NELL1: variants seen among roughly 807,000 people sequenced by gnomAD.
The protein encoded by NELL1 is protein kinase C-binding protein NELL1.
In NELL1, 76 loss-of-function variants were observed where a neutral mutation model predicts 107.4. That is an observed-to-expected ratio of 0.71 (90% confidence interval 0.59 to 0.86). The LOEUF (loss-of-function observed/expected upper bound fraction) is 0.86. Ranked by LOEUF, NELL1 falls within the 40% of genes least tolerant of loss-of-function variation. NELL1 has a pLI of 0.00. For synonymous variants in NELL1, 353 were observed against 341.2 expected (o/e 1.03, Z -0.38); for missense variants, 1,024 against 1,005.5 (o/e 1.02, Z -0.25).
intron 15 of NELL1, among the ~76,000 whole-genome samples, chr11:21,498,828 C>T (rs1855058336): frequency 6.6e-6 from 1 of 152,006 alleles, no homozygotes; most frequent in African/African-American, 2.4e-5. Context: ...ACGTTTTACA[C>T]TTTTCAACCT....
rs559612770 is a variant in NELL1, at chr11:21,323,031, C to T, written c.1550-47822C>T. ...CTGGAATAAAACTGCTTCACTCAGTCATCAAAGGGCTCTTTAAAATTCTCT... is the reference window on the plus strand; with the variant it reads ...CTGGAATAAAACTGCTTCACTCAGTTATCAAAGGGCTCTTTAAAATTCTCT... On this transcript the variant is annotated intron_variant, in intron 14 of 19. Coordinates refer to ENST00000357134, the MANE Select transcript of NELL1 (RefSeq NM_006157.5). Among the ~76,000 whole-genome samples, 4 of 152,270 alleles carry T rather than the reference C, an allele frequency of 2.6e-5. No homozygotes were observed. In the South Asian group the frequency reaches 8.3e-4, roughly 32 times the overall value.
chr11:20,785,584 G>A (rs1352138988), intron 3 of NELL1, among the ~76,000 whole-genome samples: 1 of 152,200 alleles, frequency 6.6e-6, no homozygotes, highest in East Asian at 1.9e-4. Flanking sequence ...GCAGAGGAGA[G>A]CTTCCCACAG....
chr11:21,440,590 T>C (rs1178233974), intron 15 of NELL1, among the ~76,000 whole-genome samples: 1 of 152,238 alleles, frequency 6.6e-6, no homozygotes, highest in Non-Finnish European at 1.5e-5. Flanking sequence ...AAGGCATTAA[T>C]ATAACATCAT....
chr11:21,080,816 G>A (rs1014167802), intron 12 of NELL1, among the ~76,000 whole-genome samples: 5 of 151,942 alleles, frequency 3.3e-5, no homozygotes, highest in Admixed American at 1.3e-4. Context: ...ACATATGATA[G>A]TACATCTTTC....
At chr11:21,228,611 T>G (rs2133882492) in intron 13 of NELL1, among the ~76,000 whole-genome samples, 1 of 151,876 alleles carries the variant, frequency 6.6e-6, no homozygotes, top group East Asian at 1.9e-4. Context: ...AGCCTTTCTC[T>G]GCAGTTTTAT....
At chr11:21,151,684 T>G (rs193057750) in intron 13 of NELL1, among the ~76,000 whole-genome samples, 51 of 152,338 alleles carry the variant, frequency 3.3e-4, no homozygotes, top group African/African-American at 1.2e-3. Context: ...GTTCCTAGCA[T>G]AGAGTAAGCT....
chr11:20,705,392 C>G (rs1191840133), intron 2 of NELL1, among the ~76,000 whole-genome samples: 1 of 152,016 alleles, frequency 6.6e-6, no homozygotes, highest in Non-Finnish European at 1.5e-5. Context: ...TTTGACAAAC[C>G]TGACAAAAAC....
intron 14 of NELL1, among the ~76,000 whole-genome samples, chr11:21,311,112 T>A (rs1849740882): frequency 6.6e-6 from 1 of 152,130 alleles, no homozygotes; most frequent in Admixed American, 6.6e-5. Context: ...AGCTTATTGA[T>A]GCTGTCAGGA....
chr11:21,367,097 C>A (rs964319379), intron 14 of NELL1, among the ~76,000 whole-genome samples: 1 of 151,746 alleles, frequency 6.6e-6, no homozygotes, highest in African/African-American at 2.4e-5. Flanking sequence ...TGGATTGAAC[C>A]TCTCTCAAAT....
chr11:21,326,549 A>T (rs1487884920), intron 14 of NELL1, among the ~76,000 whole-genome samples: 1 of 152,006 alleles, frequency 6.6e-6, no homozygotes, highest in African/African-American at 2.4e-5. Flanking sequence ...TATCTTCTAC[A>T]TTTGGTCACA....
chr11:20,804,904 G>T (rs1279150037), intron 3 of NELL1, among the ~76,000 whole-genome samples: 1 of 152,138 alleles, frequency 6.6e-6, no homozygotes, highest in East Asian at 1.9e-4. Flanking sequence ...ATTTTATTGA[G>T]ATCTCTCTTT....
intron 4 of NELL1, among the ~76,000 whole-genome samples, chr11:20,857,701 A>G (rs1053066144): frequency 7.9e-5 from 12 of 152,216 alleles, no homozygotes; most frequent in African/African-American, 2.7e-4. Context: ...TTTAGAAGTG[A>G]CAGTGCTCCT....
rs191459391 is a variant in NELL1, at chr11:21,181,223, A to G, written c.1427-48109A>G. Among the ~76,000 whole-genome samples, 720 of 151,924 alleles carry G rather than the reference A, an allele frequency of 4.7e-3. 30 individuals carry two copies. The highest frequency in any genetic ancestry group is 0.017 in the African/African-American group (698 of 41,236). On this transcript the variant is annotated intron_variant, in intron 13 of 19. Coordinates refer to ENST00000357134, the MANE Select transcript of NELL1 (RefSeq NM_006157.5). Reference sequence around the variant, plus strand: ...TACATTTATATTGTATTTATGGGGGAAAAGCAGATGAAATATTCAGGTTTA... The same window carrying G: ...TACATTTATATTGTATTTATGGGGGGAAAGCAGATGAAATATTCAGGTTTA...
At chr11:21,486,117 G>A (rs73469154) in intron 15 of NELL1, among the ~76,000 whole-genome samples, 3,863 of 152,006 alleles carry the variant, frequency 0.025, 175 homozygotes, top group African/African-American at 0.086. Context: ...CCAAATTTCT[G>A]GACCATTCCT....
At chr11:21,326,854 A>T (rs1246172241) in intron 14 of NELL1, among the ~76,000 whole-genome samples, 6 of 151,936 alleles carry the variant, frequency 3.9e-5, no homozygotes, top group Non-Finnish European at 5.9e-5. Context: ...TTGGATGGTT[A>T]ATCTATTTGC....
At chr11:20,792,141 T>C (rs1349381142) in intron 3 of NELL1, among the ~76,000 whole-genome samples, 1 of 152,114 alleles carries the variant, frequency 6.6e-6, no homozygotes, top group Non-Finnish European at 1.5e-5. Context: ...TTTTAAGCTA[T>C]ATTGAATAGC....
rs964074184 is a variant in NELL1 at position 20,701,256 on chromosome 11, T to C, written c.184+23196T>C. The stretch of plus-strand genomic sequence containing the variant: ...GTTTTGATTTGCATTTCTCTGATGC[T>C]CAGTCATGATGAGCATTTTTTCATG... On this transcript the variant is annotated intron_variant, in intron 2 of 19. Transcript: ENST00000357134. 6.6e-4 allele frequency among the ~76,000 whole-genome samples: 100 copies of C among 151,620 alleles called. 1 individual carries two copies. Among genetic ancestry groups the C allele is most frequent in the African/African-American group, 2.1e-3 (86 of 40,954 alleles).
At position 21,115,331 on chromosome 11, in the gene NELL1, AACACACACACACACAC is replaced by A. The variant is rs66507806; in HGVS notation, c.1426+1646_1426+1661del. 6.8e-4 allele frequency among the ~76,000 whole-genome samples: 95 copies of A among 140,702 alleles called. 1 individual carries two copies. In the East Asian group the frequency reaches 0.015, roughly 22 times the overall value. 92.3% of individuals were successfully genotyped at this position (140,702 alleles called of 152,430 possible). A position where few individuals can be genotyped will look rare whatever the true frequency, so the allele number is the denominator to read the frequency against. The stretch of plus-strand genomic sequence containing the variant: ...GGCTCTGCAGGAAAAGTCTACATCA[AACACACACACACACAC>A]ACACACACACACACACACACACACA... On this transcript the variant is annotated intron_variant, in intron 13 of 19. Coordinates refer to ENST00000357134, the MANE Select transcript of NELL1 (RefSeq NM_006157.5).
At chr11:21,303,217 G>A (rs1434798840) in intron 14 of NELL1, among the ~76,000 whole-genome samples, 1 of 151,958 alleles carries the variant, frequency 6.6e-6, no homozygotes, top group East Asian at 1.9e-4. Context: ...GGTGCTTAGT[G>A]TCTAGGAGAA....
Sources: allele counts gnomAD v4.1 joint callset (sites outside exome capture counted in the v4.1 genomes callset), GRCh38; gene constraint gnomAD v4.1.1; transcripts MANE v1.5; gene names NCBI Gene and HGNC (gene_info 2026-07-23, HGNC 2026-07-21).